The following ASPH variants were observed in gnomAD, a reference collection of about 807,000 sequenced individuals.
The protein encoded by ASPH is aspartate beta-hydroxylase.
A neutral mutation model predicts 118.4 loss-of-function variants in ASPH; 100 were observed. The observed-to-expected ratio is 0.84, with a 90% confidence interval of 0.72 to 1.00. The LOEUF is 1.00. Ranked by LOEUF, ASPH falls within the 50% of genes least tolerant of loss-of-function variation. The pLI is 0.00. For missense variants in ASPH, 920 were observed against 919.5 expected, an observed-to-expected ratio of 1.00 and a Z score of -0.01; for synonymous variants, 315 against 325.6, an observed-to-expected ratio of 0.97 and a Z score of 0.35.
chr8:61,697,019 C>T (rs1350860575), intron 1 of ASPH, among the ~76,000 whole-genome samples: 1 of 152,118 alleles, frequency 6.6e-6, no homozygotes, highest in African/African-American at 2.4e-5. Flanking sequence ...AGATCCATGG[C>T]CCTCCTCCCC....
intron 3 of ASPH, chr8:61,660,682 T>G (rs926525047): frequency 6.6e-6 from 1 of 152,202 alleles, no homozygotes; most frequent in African/African-American, 2.4e-5. Context: ...TTTTTGTCCA[T>G]GTAAGGTATC....
chr8:61,565,813 G>A (rs375309440), intron 17 of ASPH, among the ~76,000 whole-genome samples: 1 of 152,202 alleles, frequency 6.6e-6, no homozygotes, highest in Non-Finnish European at 1.5e-5. Flanking sequence ...GTTGTTAGGA[G>A]CTAATGCAGC....
At chr8:61,507,455 T>C (rs1217905648) in intron 24 of ASPH, among the ~76,000 whole-genome samples, 1 of 152,176 alleles carries the variant, frequency 6.6e-6, no homozygotes, top group East Asian at 1.9e-4. Context: ...GTCAATAACA[T>C]AATGTAGATT....
Position 61,553,264 on chromosome 8 carries a change from G to T in ASPH, c.1537-144C>A, listed in dbSNP as rs1165543122. On this transcript the variant is annotated intron_variant, in intron 19 of 24. Coordinates refer to ENST00000379454, the MANE Select transcript of ASPH (RefSeq NM_004318.4). ...CTCCATATTAAACTTTGGGAATGAGGTTACTGGTCAACATTTGCAATGCCA... is the reference window on the plus strand; with the variant it reads ...CTCCATATTAAACTTTGGGAATGAGTTTACTGGTCAACATTTGCAATGCCA... 4 of 594,058 alleles carry T rather than the reference G, an allele frequency of 6.7e-6. No individual in the cohort carries two copies. The Admixed American group carries it at 9.5e-5, about 14-fold the overall frequency. 36.8% of individuals were successfully genotyped at this position (594,058 alleles called of 1,614,324 possible). A position where few individuals can be genotyped will look rare whatever the true frequency, so the allele number is the denominator to read the frequency against.
At chr8:61,523,170 T>G (rs1423230226) in intron 22 of ASPH, among the ~76,000 whole-genome samples, 1 of 152,022 alleles carries the variant, frequency 6.6e-6, no homozygotes, top group Non-Finnish European at 1.5e-5. Context: ...GTCACTCACC[T>G]CCCTCCCTAT....
At chr8:61,634,473 A>G (rs1856905634) in intron 12 of ASPH, among the ~76,000 whole-genome samples, 1 of 152,238 alleles carries the variant, frequency 6.6e-6, no homozygotes, top group Non-Finnish European at 1.5e-5. Context: ...AGCTATTTTA[A>G]TAATTTTTCT....
At chr8:61,538,129 T>C (rs529105876) in intron 21 of ASPH, among the ~76,000 whole-genome samples, 32 of 151,976 alleles carry the variant, frequency 2.1e-4, no homozygotes, top group Middle Eastern at 3.4e-3. Flanking sequence ...AATTTAGAGA[T>C]AAAAAAACAA....
At chr8:61,643,538 A>G in intron 8 of ASPH, 105 bp from the exon 9 acceptor site, 1 of 1,147,814 alleles carries the variant, frequency 8.7e-7, no homozygotes, top group Non-Finnish European at 1.2e-6. Flanking sequence ...ACTTTGCCAG[A>G]TAGATGTTTT....
At chr8:61,651,423 C>T (rs1810921770) in intron 4 of ASPH, 1 of 259,404 alleles carries the variant, frequency 3.9e-6, no homozygotes, top group Admixed American at 5.3e-5. Context: ...AGCAAAATGA[C>T]TTGTTTCTAA....
intron 8 of ASPH, 79 bp from the exon 9 acceptor site, chr8:61,643,512 A>C (rs1806305835): frequency 1.5e-6 from 2 of 1,366,000 alleles, no homozygotes; most frequent in South Asian, 2.5e-5. Flanking sequence ...AGATTCATAA[A>C]TTAATTATCT....
intron 16 of ASPH, among the ~76,000 whole-genome samples, chr8:61,574,730 G>A (rs1834560808): frequency 1.3e-5 from 2 of 152,134 alleles, no homozygotes; most frequent in East Asian, 1.9e-4. Flanking sequence ...AGCATTAGGA[G>A]AAATACCTAA....
Position 61,638,332 on chromosome 8 carries a change from T to C in ASPH, c.822A>G (p.Ile274Met). ...AVYEPLENEG[I>M]EITEVTAPPE... ...ACAGAAAAAACTTACCTGTGATTTC[T>C]ATCCCTTCATTTTCTAGAGGTTCAT... The change falls in exon 11 of 25, where the codon ATA becomes ATG. Residue 274 changes from isoleucine to methionine, a missense_variant. Coordinates refer to ENST00000379454, the MANE Select transcript of ASPH (RefSeq NM_004318.4). The C allele has an allele frequency of 1.3e-6, 2 of 1,597,768 alleles. No individual in the cohort carries two copies. The highest frequency in any genetic ancestry group is 1.7e-6 in the Non-Finnish European group (2 of 1,175,346).
intron 3 of ASPH, among the ~76,000 whole-genome samples, chr8:61,679,942 TA>T (rs1334197757): frequency 2.1e-4 from 14 of 67,736 alleles, no homozygotes; most frequent in South Asian, 4.3e-4. Flanking sequence ...TGGGCAATAA[TA>T]AAAAAAAAAA....
In ASPH at chr8:61,540,170, A is replaced by G. The variant is rs192523453; in HGVS notation, c.1764+7901T>C. ...CCACACTCCTAGTGCTAGAGCTGCC[A>G]AATTATATTTACACAATGAGGGGTG... On this transcript the variant is annotated intron_variant, in intron 21 of 24. Coordinates refer to ENST00000379454, the MANE Select transcript of ASPH (RefSeq NM_004318.4). 5.3e-5 allele frequency among the ~76,000 whole-genome samples: 8 copies of G among 152,268 alleles called. 1 individual carries two copies. In the South Asian group the frequency reaches 8.3e-4, roughly 16 times the overall value.
intron 3 of ASPH, among the ~76,000 whole-genome samples, chr8:61,655,393 T>A (rs1813133452): frequency 1.3e-5 from 2 of 152,194 alleles, no homozygotes; most frequent in Non-Finnish European, 2.9e-5. Flanking sequence ...TCCCAGTTTA[T>A]GTCTGCTGTC....
At chr8:61,628,960 T>A (rs1854292793) in intron 13 of ASPH, among the ~76,000 whole-genome samples, 2 of 152,192 alleles carry the variant, frequency 1.3e-5, no homozygotes, top group South Asian at 4.1e-4. Context: ...GAATGTAAAG[T>A]CAATTTCCAC....
intron 3 of ASPH, among the ~76,000 whole-genome samples, chr8:61,680,214 TA>T (rs1827366093): frequency 6.6e-6 from 1 of 151,824 alleles, no homozygotes. Flanking sequence ...CCATATCCAT[TA>T]TTTTTCTAAA....
intron 3 of ASPH, among the ~76,000 whole-genome samples, chr8:61,671,170 G>C (rs184361553): frequency 3.3e-5 from 5 of 152,276 alleles, no homozygotes; most frequent in African/African-American, 1.2e-4. Context: ...AAAACCACAA[G>C]GCAGGTACGA....
At position 61,579,346 on chromosome 8, in the gene ASPH, A is replaced by G. The variant is rs573386388; in HGVS notation, c.1063-2488T>C. On this transcript the variant is annotated intron_variant, in intron 15 of 24. Transcript: ENST00000379454. ...GCACGGCAGCTGCGTGAGTACCAGG[A>G]GCTGATGAACGTCAAGCTGGCCCTG... is the stretch of plus-strand genomic sequence containing the variant. 1.7e-5 allele frequency: 27 copies of G among 1,614,198 alleles called. No individual in the cohort carries two copies. The African/African-American group carries it at 2.4e-4, about 14-fold the overall frequency.
Sources: allele counts gnomAD v4.1 joint callset (sites outside exome capture counted in the v4.1 genomes callset), GRCh38; gene constraint gnomAD v4.1.1; transcripts MANE v1.5; gene names NCBI Gene and HGNC (gene_info 2026-07-23, HGNC 2026-07-21).